The following TPX2 variants were observed in gnomAD, a reference collection of about 807,000 sequenced individuals.
The protein encoded by TPX2 is TPX2 microtubule nucleation factor, also known as targeting protein for Xklp2.
Under a neutral mutation model 93.6 loss-of-function variants are expected in TPX2, and 21 were observed. That is an observed-to-expected ratio of 0.22 (90% CI 0.16 to 0.32). The LOEUF (loss-of-function observed/expected upper bound fraction) is 0.32. Ranked by LOEUF, TPX2 falls within the 10% of genes least tolerant of loss-of-function variation. TPX2 has a pLI of 1.00. For synonymous variants in TPX2, 281 were observed against 298.3 expected, an observed-to-expected ratio of 0.94 and a Z score of 0.60; for missense variants, 776 against 871.1, an observed-to-expected ratio of 0.89 and a Z score of 1.37.
At position 31,793,449 on chromosome 20, in the gene TPX2, A is replaced by T. The variant is rs113076030; in HGVS notation, c.1510-399A>T. Among the ~76,000 whole-genome samples, 258 of 152,268 alleles carry T rather than the reference A, an allele frequency of 1.7e-3. 3 individuals carry two copies. The highest frequency in any genetic ancestry group is 6.0e-3 in the African/African-American group (251 of 41,532). ...ATCTTGTGTTACCAGCTTGAACCCAAACAACTTGGGTTTGGCAATCCTATT... is the reference window on the plus strand; with the variant it reads ...ATCTTGTGTTACCAGCTTGAACCCATACAACTTGGGTTTGGCAATCCTATT... On this transcript the variant is annotated intron_variant, in intron 13 of 17. Coordinates refer to ENST00000300403, the MANE Select transcript of TPX2 (RefSeq NM_012112.5).
Position 31,783,751 on chromosome 20 carries a change from G to T in TPX2, c.1243G>T (p.Gly415Trp). The change falls in exon 12 of 18, where the codon GGG becomes TGG. Residue 415 changes from glycine to tryptophan, a missense_variant. Gly to Trp is a radical substitution (Grantham distance 184, BLOSUM62 -2). Transcript: ENST00000300403. ...ACTTGATCCCAGAATACTTGAAGGT[G>T]GGCCCATCTTGCCCAAGAAACCACC... is the stretch of plus-strand genomic sequence containing the variant. Reference protein sequence around the residue: ...RELDPRILEGGPILPKKPPVK... With the variant: ...RELDPRILEGWPILPKKPPVK... The T allele has an allele frequency of 6.2e-7, 1 of 1,613,018 alleles. No individual in the cohort carries two copies. The highest frequency in any genetic ancestry group is 8.5e-7 in the Non-Finnish European group (1 of 1,179,716).
intron 17 of TPX2, among the ~76,000 whole-genome samples, chr20:31,799,757 G>T (rs750988658): frequency 2.0e-5 from 3 of 151,810 alleles, no homozygotes; most frequent in African/African-American, 7.2e-5. Context: ...AAAATTAGCC[G>T]GGCATGGTGG....
chr20:31,764,228 G>A (rs777997813), intron 4 of TPX2, among the ~76,000 whole-genome samples: 1 of 151,998 alleles, frequency 6.6e-6, no homozygotes, highest in Non-Finnish European at 1.5e-5. Flanking sequence ...GGACTGCAGT[G>A]GAGCAATCAC....
intron 15 of TPX2, 36 bp from the exon 16 acceptor site, chr20:31,797,368 A>T (rs1021892316): frequency 8.1e-6 from 13 of 1,595,286 alleles, no homozygotes; most frequent in Non-Finnish European, 1.1e-5. Flanking sequence ...TAGAAAGGTG[A>T]GACATTGCTC....
At chr20:31,759,462 C>T (rs752345037) in intron 3 of TPX2, among the ~76,000 whole-genome samples, 1 of 132,300 alleles carries the variant, frequency 7.6e-6, no homozygotes, top group Non-Finnish European at 1.5e-5. Flanking sequence ...TGCAGTGGTG[C>T]GGTCTCAGCT....
intron 4 of TPX2, among the ~76,000 whole-genome samples, chr20:31,760,840 C>T (rs550102204): frequency 2.6e-5 from 4 of 152,242 alleles, no homozygotes; most frequent in African/African-American, 4.8e-5. Context: ...GATCGCTTCT[C>T]GGCCTTTTGG....
At chr20:31,746,036 T>C (rs1372483066) in intron 2 of TPX2, among the ~76,000 whole-genome samples, 2 of 152,214 alleles carry the variant, frequency 1.3e-5, no homozygotes, top group Non-Finnish European at 2.9e-5. Context: ...ATATATTTGC[T>C]TGAAGTTTCT....
At chr20:31,774,011 A>G (rs2061980521) in intron 7 of TPX2, among the ~76,000 whole-genome samples, 1 of 151,968 alleles carries the variant, frequency 6.6e-6, no homozygotes, top group African/African-American at 2.4e-5. Context: ...AGCTGGGATT[A>G]CTGGCACTTG....
intron 10 of TPX2, among the ~76,000 whole-genome samples, chr20:31,779,849 G>A (rs1038386163): frequency 6.6e-6 from 1 of 152,152 alleles, no homozygotes; most frequent in African/African-American, 2.4e-5. Context: ...GGAGTTTGTA[G>A]ATTTGGTGGT....
Position 31,778,903 on chromosome 20 carries a change from G to T in TPX2, c.973G>T (p.Val325Leu). The T allele has an allele frequency of 6.2e-7, 1 of 1,612,736 alleles. No individual in the cohort carries two copies. Residue 325 changes from valine to leucine, a missense_variant, in exon 10 of 18, where the codon GTG (valine) becomes TTG (leucine). Transcript: ENST00000300403. ...ATTTGATGAAACAGTTTCTACATAT[G>T]TGCCCCTTGCACAGCAAGTTGAAGA... ...RTFDETVSTY[V>L]PLAQQVEDFH...
Position 31,794,345 on chromosome 20 carries a change from C to G in TPX2, c.1687-57C>G, listed in dbSNP as rs988242644. The G allele has an allele frequency of 2.5e-6, 4 of 1,570,094 alleles. No individual in the cohort carries two copies. The Admixed American group carries it at 5.8e-5, about 23-fold the overall frequency. ...TCAGATTCTTCCAGATATTCTGGAG[C>G]AGCTATTGCTTTCCAGCTAGTCTTT... On this transcript the variant is annotated intron_variant, in intron 14 of 17. Coordinates refer to ENST00000300403, the MANE Select transcript of TPX2 (RefSeq NM_012112.5).
intron 16 of TPX2, among the ~76,000 whole-genome samples, chr20:31,797,759 TCAA>T (rs1428510248): frequency 6.6e-6 from 1 of 152,188 alleles, no homozygotes; most frequent in Non-Finnish European, 1.5e-5. Context: ...AGCTGGCATT[TCAA>T]CAACAATGAT....
chr20:31,767,068 C>G (rs188894811), intron 5 of TPX2, among the ~76,000 whole-genome samples: 1 of 152,172 alleles, frequency 6.6e-6, no homozygotes, highest in East Asian at 1.9e-4. Flanking sequence ...TCCCAAACTG[C>G]TAGGATTACA....
intron 9 of TPX2, among the ~76,000 whole-genome samples, 177 bp downstream of exon 9, chr20:31,777,815 C>T (rs1295426881): frequency 6.8e-6 from 1 of 147,230 alleles, no homozygotes; most frequent in Non-Finnish European, 1.5e-5. Context: ...TCACTTTTGT[C>T]GCCCAGGCTG....
intron 15 of TPX2, among the ~76,000 whole-genome samples, chr20:31,796,761 C>T (rs756565058): frequency 3.3e-5 from 5 of 151,006 alleles, no homozygotes; most frequent in African/African-American, 4.9e-5. Flanking sequence ...TGTATAGTTC[C>T]TAATGAATCA....
chr20:31,791,086 T>G (rs1174999783), intron 12 of TPX2, among the ~76,000 whole-genome samples: 1 of 151,912 alleles, frequency 6.6e-6, no homozygotes, highest in African/African-American at 2.4e-5. Flanking sequence ...GAGCGATCAG[T>G]AGTTCGTTGT....
chr20:31,777,124 C>T (rs894017218), intron 8 of TPX2, among the ~76,000 whole-genome samples: 1 of 152,154 alleles, frequency 6.6e-6, no homozygotes, highest in African/African-American at 2.4e-5. Context: ...GGATTTTCCT[C>T]TTAGAGATGC....
In TPX2 at chr20:31,764,093, G is replaced by A. The variant is rs552974249; in HGVS notation, c.230-2463G>A. ...TATATACACACAAGCATATATATATGTACATACATCTAATATACATGTATG... is the reference window on the plus strand; with the variant it reads ...TATATACACACAAGCATATATATATATACATACATCTAATATACATGTATG... On this transcript the variant is annotated intron_variant, in intron 4 of 17. Transcript: ENST00000300403. Among the ~76,000 whole-genome samples the A allele has an allele frequency of 4.9e-5, 7 of 142,482 alleles. No homozygotes were observed. The East Asian group carries it at 1.2e-3, about 24-fold the overall frequency. The allele number at this position is 142,482 out of a possible 152,430, so 93.5% of individuals were successfully genotyped here. A position where few individuals can be genotyped will look rare whatever the true frequency, so the allele number is the denominator to read the frequency against.
intron 8 of TPX2, 65 bp downstream of exon 8, chr20:31,776,053 T>G (rs1373741047): frequency 1.9e-5 from 6 of 323,140 alleles, no homozygotes; most frequent in African/African-American, 4.2e-4. Flanking sequence ...GGTAGGTGTT[T>G]TTTTTTTTTT....
Sources: allele counts gnomAD v4.1 joint callset (sites outside exome capture counted in the v4.1 genomes callset), GRCh38; gene constraint gnomAD v4.1.1; transcripts MANE v1.5; gene names NCBI Gene and HGNC (gene_info 2026-07-23, HGNC 2026-07-21).